Variants in COL4A5 observed in about 807,000 individuals in gnomAD.
COL4A5 encodes collagen type IV alpha 5 chain.
In COL4A5, 26 loss-of-function variants were observed where a neutral mutation model predicts 130.2. The observed-to-expected ratio is 0.20, with a 90% CI of 0.15 to 0.28. The LOEUF is 0.28. COL4A5 is among the 10% of genes least tolerant of loss of function. The pLI, the probability that COL4A5 is intolerant of heterozygous loss-of-function variation, is 1.00. For missense variants in COL4A5, 1,131 were observed against 1,344.3 expected, an observed-to-expected ratio of 0.84 and a Z score of 2.48; for synonymous variants, 496 against 439.6, an observed-to-expected ratio of 1.13 and a Z score of -1.60.
intron 35 of COL4A5, 66 bp from the exon 36 acceptor site, chrX:108,626,144 G>A: frequency 1.9e-6 from 2 of 1,072,862 alleles, no homozygotes; most frequent in Non-Finnish European, 2.6e-6. Flanking sequence ...TTTGTCATAT[G>A]CATCTTAGAT....
At chrX:108,521,495 T>C (rs1430930177) in intron 1 of COL4A5, among the ~76,000 whole-genome samples, 2 of 111,389 alleles carry the variant, frequency 1.8e-5, no homozygotes, top group African/African-American at 6.5e-5. Context: ...TACTGCCCAC[T>C]ATAAAATATA....
chrX:108,628,333 A>G (rs1003929795), intron 36 of COL4A5, among the ~76,000 whole-genome samples: 4 of 111,025 alleles, frequency 3.6e-5, no homozygotes, highest in Non-Finnish European at 7.6e-5. Flanking sequence ...TGCCTTTTTA[A>G]TATCTATATT....
intron 1 of COL4A5, among the ~76,000 whole-genome samples, chrX:108,456,304 A>G (rs2064584242): frequency 8.9e-6 from 1 of 112,066 alleles, no homozygotes; most frequent in Admixed American, 9.5e-5. Flanking sequence ...ATAAAATGCT[A>G]ATTAATTTTC....
intron 49 of COL4A5, among the ~76,000 whole-genome samples, chrX:108,691,090 G>A (rs904272579): frequency 6.3e-5 from 7 of 111,172 alleles, no homozygotes; most frequent in Admixed American, 3.9e-4. Context: ...ATGTTCTCAC[G>A]TATATATGGG....
intron 19 of COL4A5, among the ~76,000 whole-genome samples, chrX:108,587,637 G>A (rs2066358459): frequency 9.0e-6 from 1 of 111,301 alleles, no homozygotes; most frequent in South Asian, 3.7e-4. Context: ...TATATACCCA[G>A]ACGTGAGATT....
chrX:108,597,200 C>A, intron 23 of COL4A5, 132 bp downstream of exon 23: 1 of 758,205 alleles, frequency 1.3e-6, no homozygotes, highest in Non-Finnish European at 2.0e-6. Flanking sequence ...TGTTTGATTC[C>A]TTGACTCTTC....
chrX:108,597,554 C>T lies in COL4A5; in HGVS notation c.1765C>T (p.Pro589Ser). 8.3e-7 allele frequency: 1 copy of T among 1,208,705 alleles called. No individual in the cohort carries two copies. Among genetic ancestry groups the T allele is most frequent in the Non-Finnish European group, 1.1e-6 (1 of 894,182 alleles). The stretch of plus-strand genomic sequence containing the variant: ...GGATGGATTGCCAGGGCTTCCTGGC[C>T]CGAAAGGAGAGCCTGTGAGTTGGTT... ...GQDGLPGLPG[P>S]KGEPGGITFK... The change falls in exon 24 of 53, where the codon CCG becomes TCG. Residue 589 changes from proline to serine, a missense_variant. Physicochemically the swap from Pro to Ser is moderately conservative, Grantham distance 74. Transcript: ENST00000328300.
chrX:108,621,190 T>C (rs2067041786), intron 31 of COL4A5, among the ~76,000 whole-genome samples: 2 of 101,690 alleles, frequency 2.0e-5, no homozygotes, highest in Admixed American at 1.1e-4. Flanking sequence ...TCTCACTCTG[T>C]CACCCAGACT....
At position 108,615,017 on chromosome X, in the gene COL4A5, T is replaced by C; in HGVS notation, c.2502T>C (p.Gly834=). 8.5e-7 allele frequency: 1 copy of C among 1,179,274 alleles called. No homozygotes were observed. Among genetic ancestry groups the C allele is most frequent in the South Asian group, 1.8e-5 (1 of 56,047 alleles). The part of the protein sequence containing the change: ...PGPPGIPGPI[G]QPGLHGIPGE... Reference sequence around the variant, plus strand: ...CACCAGGGATTCCTGGGCCAATAGGTCAACCTGGTAAGATTAGAGTAAATG... The same window carrying C: ...CACCAGGGATTCCTGGGCCAATAGGCCAACCTGGTAAGATTAGAGTAAATG... The change falls in exon 30 of 53, where the codon GGT becomes GGC. Residue 834 remains glycine (G), a synonymous_variant. Transcript: ENST00000328300.
chrX:108,510,506 C>T (rs192317778), intron 1 of COL4A5, among the ~76,000 whole-genome samples: 3 of 109,823 alleles, frequency 2.7e-5, no homozygotes, highest in East Asian at 5.7e-4. Flanking sequence ...GAAGGGATGA[C>T]AGAATTAGAA....
At chrX:108,489,710 A>G (rs1041351661) in intron 1 of COL4A5, among the ~76,000 whole-genome samples, 2 of 111,699 alleles carry the variant, frequency 1.8e-5, no homozygotes, top group Non-Finnish European at 3.8e-5. Flanking sequence ...CATAGTTTTA[A>G]CCATCAGAGT....
At chrX:108,580,628 G>A (rs200883635) in intron 14 of COL4A5, 42 bp downstream of exon 14, 1 of 1,189,136 alleles carries the variant, frequency 8.4e-7, no homozygotes, top group East Asian at 3.0e-5. Context: ...ATGTAAATTG[G>A]TATTGGTACA....
intron 46 of COL4A5, among the ~76,000 whole-genome samples, chrX:108,681,350 C>T (rs1387201556): frequency 1.8e-5 from 2 of 109,462 alleles, no homozygotes; most frequent in Admixed American, 2.0e-4. Context: ...AAGGAATCTG[C>T]TAAATTCCCC....
intron 1 of COL4A5, among the ~76,000 whole-genome samples, chrX:108,500,368 C>T (rs754720924): frequency 8.9e-6 from 1 of 111,796 alleles, no homozygotes; most frequent in Non-Finnish European, 1.9e-5. Context: ...TTTTTTTCTT[C>T]TTCAAAAGTC....
chrX:108,677,581 G>A lies in COL4A5; in HGVS notation c.3890G>A (p.Gly1297Glu). 1.7e-6 allele frequency: 2 copies of A among 1,211,013 alleles called. No individual in the cohort carries two copies. The highest frequency in any genetic ancestry group is 2.2e-6 in the Non-Finnish European group (2 of 894,881). Reference sequence around the variant, plus strand: ...GAGAAGGGAAATCCAGGCCAACCTGGGCTACCTGGCTTGCCTGGTTTGAAA... The same window carrying A: ...GAGAAGGGAAATCCAGGCCAACCTGAGCTACCTGGCTTGCCTGGTTTGAAA... ...KGEKGNPGQP[G>E]LPGLPGLKGD... The change falls in exon 44 of 53, where the codon GGG becomes GAG. Residue 1297 changes from glycine (G) to glutamate (E), a missense_variant. Coordinates refer to ENST00000328300, the MANE Select transcript of COL4A5 (RefSeq NM_033380.3).
chrX:108,547,651 T>C (rs1308390146), intron 2 of COL4A5, among the ~76,000 whole-genome samples: 1 of 111,891 alleles, frequency 8.9e-6, no homozygotes. Context: ...GATAGGGACA[T>C]GTAAGTCTGC....
At chrX:108,580,613 A>C in intron 14 of COL4A5, 27 bp downstream of exon 14, 1 of 1,200,329 alleles carries the variant, frequency 8.3e-7, no homozygotes, top group Non-Finnish European at 1.1e-6. Flanking sequence ...CTTTAGCATC[A>C]TTTAATGTAA....
chrX:108,488,490 T>A, intron 1 of COL4A5, among the ~76,000 whole-genome samples: 1 of 112,143 alleles, frequency 8.9e-6, no homozygotes, highest in Non-Finnish European at 1.9e-5. Context: ...CCCTTGTCAT[T>A]TTGGTAGATA....
chrX:108,528,834 A>T (rs1336932870), intron 1 of COL4A5, among the ~76,000 whole-genome samples: 3 of 112,338 alleles, frequency 2.7e-5, no homozygotes, highest in Non-Finnish European at 5.6e-5. Flanking sequence ...AATTGATCAA[A>T]TCTTAAAAAT....
Sources: allele counts gnomAD v4.1 joint callset (sites outside exome capture counted in the v4.1 genomes callset), GRCh38; gene constraint gnomAD v4.1.1; transcripts MANE v1.5; gene names NCBI Gene and HGNC (gene_info 2026-07-23, HGNC 2026-07-21).